The following HLA-DRB5 variants were observed in gnomAD, a reference collection of about 807,000 sequenced individuals.
The protein encoded by HLA-DRB5 is DR beta-5.
A neutral mutation model predicts 22.4 loss-of-function variants in HLA-DRB5; 11 were observed. That is an observed-to-expected ratio of 0.49 (90% CI 0.31 to 0.81). The LOEUF (loss-of-function observed/expected upper bound fraction) is 0.81, where lower values mean the gene tolerates loss of function less well. HLA-DRB5 is among the 40% of genes least tolerant of loss of function. The pLI, the probability that HLA-DRB5 is intolerant of heterozygous loss-of-function variation, is 0.05. For missense variants in HLA-DRB5, 106 were observed against 274.4 expected (o/e 0.39, Z 4.34); for synonymous variants, 57 against 106.0 (o/e 0.54, Z 2.84).
chr6:32,525,012 C>T (rs188826585), intron 1 of HLA-DRB5, among the ~76,000 whole-genome samples: 1 of 39,182 alleles, frequency 2.6e-5, no homozygotes, highest in Admixed American at 3.3e-4. Context: ...ACTTATAGAA[C>T]TTTTAAAATG....
chr6:32,526,131 T>A (rs72508454), intron 1 of HLA-DRB5, among the ~76,000 whole-genome samples: 31,893 of 51,374 alleles, frequency 0.62, 12,088 homozygotes, highest in Middle Eastern at 0.69. Flanking sequence ...CCTTGTCCTC[T>A]CTTCTACTCG....
rs71549220 is a variant in HLA-DRB5 at position 32,530,140 on chromosome 6, C to A, written c.85G>T (p.Ala29Ser). 126,177 of 1,476,286 alleles carry A rather than the reference C, an allele frequency of 0.085. 4,244 individuals carry two copies. Among genetic ancestry groups the A allele is most frequent in the Non-Finnish European group, 0.086 (91,758 of 1,071,374 alleles). The allele number at this position is 1,476,286 out of a possible 1,614,324, so 91.4% of individuals were successfully genotyped here. A position where few individuals can be genotyped will look rare whatever the true frequency, so the allele number is the denominator to read the frequency against. Residue 29 changes from alanine (A) to serine (S), a missense_variant, in exon 1 of 6, where the codon GCT becomes TCT. By Grantham distance (99) the Ala-to-Ser change is moderately conservative. Transcript: ENST00000374975. ...GTGCACTTACGTCGGGTGTCCCCAG[C>A]CAAAGCCAGTGGGGAGCTCAGCACC... is the stretch of plus-strand genomic sequence containing the variant. ...LMVLSSPLAL[A>S]GDTRPRFLQQ...
rs113793658 is a variant in HLA-DRB5 at position 32,530,264 on chromosome 6, C to G, written c.-40G>C. 8.6e-7 allele frequency: 1 copy of G among 1,159,954 alleles called. No individual in the cohort carries two copies. The highest frequency in any genetic ancestry group is 1.8e-5 in the African/African-American group (1 of 56,490). The allele number at this position is 1,159,954 out of a possible 1,614,324, so 71.9% of individuals were successfully genotyped here. ...CAGGACCAGGGGCCAGAGGAGCAGGCAAGTCTCACTCAGGGAGAACTATGA... is the reference window on the plus strand; with the variant it reads ...CAGGACCAGGGGCCAGAGGAGCAGGGAAGTCTCACTCAGGGAGAACTATGA... On this transcript the variant is annotated 5_prime_UTR_variant, in exon 1 of 6. Coordinates refer to ENST00000374975, the MANE Select transcript of HLA-DRB5 (RefSeq NM_002125.4).
chr6:32,518,385 G>A (rs1259234143), intron 4 of HLA-DRB5, among the ~76,000 whole-genome samples, 171 bp downstream of exon 4: 2 of 61,866 alleles, frequency 3.2e-5, no homozygotes, highest in Non-Finnish European at 6.5e-5. Flanking sequence ...TTATGCTTTT[G>A]ACATAGTAAC....
intron 5 of HLA-DRB5, 29 bp downstream of exon 5, chr6:32,518,025 G>T: frequency 2.4e-6 from 1 of 415,192 alleles, no homozygotes. Context: ...AACTGAATCT[G>T]TTTCTAAAAG....
At chr6:32,528,307 T>C (rs1306373876) in intron 1 of HLA-DRB5, among the ~76,000 whole-genome samples, 2 of 66,062 alleles carry the variant, frequency 3.0e-5, no homozygotes, top group Admixed American at 1.7e-4. Context: ...ATTGGGTTAG[T>C]GTCTGTCTCC....
At chr6:32,523,240 T>C (rs149874487) in intron 1 of HLA-DRB5, among the ~76,000 whole-genome samples, 1,241 of 33,984 alleles carry the variant, frequency 0.037, 258 homozygotes, top group Middle Eastern at 0.11. Context: ...TCATAAAACT[T>C]ATTTGGCAAA....
intron 1 of HLA-DRB5, among the ~76,000 whole-genome samples, chr6:32,526,217 C>A (rs558792088): frequency 0.39 from 12,016 of 30,934 alleles, 4,162 homozygotes; most frequent in Middle Eastern, 0.62. Context: ...CAATCCCAGC[C>A]GTTGCTTCTC....
At chr6:32,518,841 T>A (rs113251427) in intron 3 of HLA-DRB5, among the ~76,000 whole-genome samples, 175 bp from the exon 4 acceptor site, 2,960 of 58,090 alleles carry the variant, frequency 0.051, 38 homozygotes, top group Middle Eastern at 0.075. Flanking sequence ...CAGTTACAAG[T>A]TTCAGGGATC....
rs115563246 is a variant in HLA-DRB5, at chr6:32,521,957, G to A, written c.318C>T (p.Thr106=). The A allele has an allele frequency of 0.23, 285,109 of 1,213,732 alleles. 40,284 individuals are homozygous for A. The highest frequency in any genetic ancestry group is 0.33 in the Middle Eastern group (1,535 of 4,616). 75.2% of individuals were successfully genotyped at this position (1,213,732 alleles called of 1,614,324 possible). A position where few individuals can be genotyped will look rare whatever the true frequency, so the allele number is the denominator to read the frequency against. ...FLEDRRAAVD[T]YCRHNYGVGE... ...CAACCCCGTAGTTGTGTCTGCAGTA[G>A]GTGTCCACCGCGGCGCGCCTGTCTT... is the stretch of plus-strand genomic sequence containing the variant. Residue 106 remains threonine, a synonymous_variant, in exon 2 of 6, where the codon ACC becomes ACT. Coordinates refer to ENST00000374975, the MANE Select transcript of HLA-DRB5 (RefSeq NM_002125.4).
intron 1 of HLA-DRB5, among the ~76,000 whole-genome samples, chr6:32,522,601 A>C (rs187064714): frequency 0.012 from 393 of 32,182 alleles, 23 homozygotes; most frequent in Admixed American, 0.014. Context: ...TCCTTTAGTG[A>C]TGACCTTGTG....
At chr6:32,527,049 G>C (rs143514699) in intron 1 of HLA-DRB5, among the ~76,000 whole-genome samples, 161 of 21,798 alleles carry the variant, frequency 7.4e-3, no homozygotes, top group Admixed American at 0.015. Context: ...CATTAACAAG[G>C]TAAGCAAAAT....
Position 32,526,517 on chromosome 6 carries a change from C to CT in HLA-DRB5, c.100+3607dup, listed in dbSNP as rs369892846. On this transcript the variant is annotated intron_variant, in intron 1 of 5. Transcript: ENST00000374975. Reference sequence around the variant, plus strand: ...CCAGCCCTGGCCTCACCATGAGTCTCTTTTTTTTTTTTTTTTTTTTGAGAC... The same window carrying CT: ...CCAGCCCTGGCCTCACCATGAGTCTCTTTTTTTTTTTTTTTTTTTTTGAGAC... Among the ~76,000 whole-genome samples, 189 of 25,140 alleles carry CT rather than the reference C, an allele frequency of 7.5e-3. 63 individuals are homozygous for CT. Among genetic ancestry groups the CT allele is most frequent in the African/African-American group, 0.023 (152 of 6,536 alleles). 16.5% of individuals were successfully genotyped at this position (25,140 alleles called of 152,430 possible).
At chr6:32,524,562 A>G (rs78193384) in intron 1 of HLA-DRB5, among the ~76,000 whole-genome samples, 16,794 of 51,900 alleles carry the variant, frequency 0.32, 2,366 homozygotes, top group Middle Eastern at 0.4. Context: ...CAGACAGTTT[A>G]CAAAACATGA....
chr6:32,520,149 C>T (rs117570772), intron 2 of HLA-DRB5, among the ~76,000 whole-genome samples: 8,237 of 46,478 alleles, frequency 0.18, 2,997 homozygotes, highest in East Asian at 0.21. Flanking sequence ...TTTATGAGGT[C>T]ATAAAGCTTC....
intron 3 of HLA-DRB5, among the ~76,000 whole-genome samples, chr6:32,519,134 TG>T (rs1292679556): frequency 8.4e-6 from 1 of 118,830 alleles, no homozygotes; most frequent in Non-Finnish European, 1.8e-5. Context: ...TGTGACATCA[TG>T]GGGAGGTTCA....
intron 1 of HLA-DRB5, among the ~76,000 whole-genome samples, chr6:32,524,763 G>GGTTA (rs1769393297): frequency 1.0e-5 from 1 of 99,676 alleles, no homozygotes; most frequent in African/African-American, 4.0e-5. Context: ...TGGCTTGCAT[G>GGTTA]GCTAGCACTG....
At chr6:32,519,983 C>G (rs1768628178) in intron 2 of HLA-DRB5, among the ~76,000 whole-genome samples, 1 of 49,150 alleles carries the variant, frequency 2.0e-5, no homozygotes, top group African/African-American at 8.3e-5. Flanking sequence ...CCAAGGTCTG[C>G]CTTTTACTGG....
chr6:32,525,448 T>C (rs1485546032), intron 1 of HLA-DRB5, among the ~76,000 whole-genome samples: 6,967 of 63,384 alleles, frequency 0.11, 69 homozygotes, highest in Admixed American at 0.17. Flanking sequence ...AAGCAATTAG[T>C]ATCTTCATCA....
Sources: allele counts gnomAD v4.1 joint callset (sites outside exome capture counted in the v4.1 genomes callset), GRCh38; gene constraint gnomAD v4.1.1; transcripts MANE v1.5; gene names NCBI Gene and HGNC (gene_info 2026-07-23, HGNC 2026-07-21).